The following USF2 variants were observed in gnomAD, a reference collection of about 807,000 sequenced individuals.
USF2 encodes the protein upstream stimulatory factor 2.
Under a neutral mutation model 46.9 loss-of-function variants are expected in USF2, and 16 were observed. That is an observed-to-expected ratio of 0.34 (90% CI 0.23 to 0.52). The LOEUF (loss-of-function observed/expected upper bound fraction) is 0.52, where lower values mean the gene tolerates loss of function less well. Among genes scored for constraint, USF2 ranks in the 20% least tolerant of loss-of-function variants. USF2 has a pLI of 0.96. For missense variants in USF2, 411 were observed against 474.0 expected, an observed-to-expected ratio of 0.87 and a Z score of 1.23; for synonymous variants, 239 against 194.1, an observed-to-expected ratio of 1.23 and a Z score of -1.92.
Position 35,269,475 on chromosome 19 carries a change from G to A in USF2, c.92G>A (p.Gly31Asp), listed in dbSNP as rs1457900753. The A allele has an allele frequency of 6.4e-7, 1 of 1,551,036 alleles. No homozygotes were observed. Among genetic ancestry groups the A allele is most frequent in the Non-Finnish European group, 8.6e-7 (1 of 1,156,368 alleles). ...SHDKGPEAEE[G>D]VELQEGGDGP... ...GACAAGGGACCCGAGGCGGAGGAGGGCGTCGAGCTGCAGGAAGGTGAGTGC... is the reference window on the plus strand; with the variant it reads ...GACAAGGGACCCGAGGCGGAGGAGGACGTCGAGCTGCAGGAAGGTGAGTGC... The change falls in exon 2 of 10, where the codon GGC becomes GAC. Residue 31 changes from glycine (G) to aspartate (D), a missense_variant. By Grantham distance (94) the Gly-to-Asp change is moderately conservative. Transcript: ENST00000222305.
chr19:35,279,543 A>C lies in USF2; in HGVS notation c.*287A>C. The C allele has an allele frequency of 2.6e-6, 1 of 387,678 alleles. No homozygotes were observed. The highest frequency in any genetic ancestry group is 4.6e-6 in the Non-Finnish European group (1 of 217,510). 24.0% of individuals were successfully genotyped at this position (387,678 alleles called of 1,614,324 possible). ...GTGGTCTCACCTGGAGGCAAGAGGG[A>C]GGGGACAGAGGCCCTGCCACGTCCC... On this transcript the variant is annotated 3_prime_UTR_variant, in exon 10 of 10. Coordinates refer to ENST00000222305, the MANE Select transcript of USF2 (RefSeq NM_003367.4).
At chr19:35,278,255 C>T in intron 7 of USF2, 1 of 165,582 alleles carries the variant, frequency 6.0e-6, no homozygotes, top group South Asian at 1.5e-4. Context: ...GCCGCAGGAG[C>T]CAAAAAGGGG....
chr19:35,276,537 CT>C (rs1390436197), intron 7 of USF2, among the ~76,000 whole-genome samples: 1 of 152,184 alleles, frequency 6.6e-6, no homozygotes, highest in Non-Finnish European at 1.5e-5. Context: ...GCCTGGGACT[CT>C]GGAGGAGGAG....
intron 6 of USF2, 75 bp downstream of exon 6, chr19:35,270,880 A>G: frequency 6.3e-7 from 1 of 1,575,938 alleles, no homozygotes; most frequent in Non-Finnish European, 8.7e-7. Context: ...GAAGCTGGGC[A>G]GTTAGCATGA....
At chr19:35,273,966 C>T (rs1476456071) in intron 7 of USF2, among the ~76,000 whole-genome samples, 1 of 152,164 alleles carries the variant, frequency 6.6e-6, no homozygotes, top group Non-Finnish European at 1.5e-5. Context: ...AGGTGTTCCT[C>T]TTTTTTCTTT....
chr19:35,272,068 G>T (rs1305370988), intron 7 of USF2, among the ~76,000 whole-genome samples: 2 of 152,200 alleles, frequency 1.3e-5, no homozygotes, highest in Non-Finnish European at 2.9e-5. Context: ...AGTCCTAAAG[G>T]TGGTGATGGG....
chr19:35,269,967 C>T lies in USF2; in HGVS notation c.393C>T (p.Ala131=), dbSNP rs1018786788. 28 of 1,341,836 alleles carry T rather than the reference C, an allele frequency of 2.1e-5. No homozygotes were observed. Among genetic ancestry groups the T allele is most frequent in the Non-Finnish European group, 2.5e-5 (26 of 1,053,676 alleles). 83.1% of individuals were successfully genotyped at this position (1,341,836 alleles called of 1,614,324 possible). A position where few individuals can be genotyped will look rare whatever the true frequency, so the allele number is the denominator to read the frequency against. ...GAAQRPGPAA[A]SVPPGPAAPF... ...CCCAGCGCCCGGGCCCCGCCGCTGCCTCTGTGCCCCCAGGTCCTGCAGCGC... is the reference window on the plus strand; with the variant it reads ...CCCAGCGCCCGGGCCCCGCCGCTGCTTCTGTGCCCCCAGGTCCTGCAGCGC... The change falls in exon 4 of 10, where the codon GCC becomes GCT. Residue 131 remains alanine, a synonymous_variant. Coordinates refer to ENST00000222305, the MANE Select transcript of USF2 (RefSeq NM_003367.4).
intron 7 of USF2, among the ~76,000 whole-genome samples, chr19:35,271,419 C>T (rs1485217289): frequency 6.6e-6 from 1 of 152,240 alleles, no homozygotes; most frequent in Non-Finnish European, 1.5e-5. Flanking sequence ...GGACTTCACA[C>T]TCCCATACGG....
chr19:35,270,618 T>A (rs2066138533), intron 5 of USF2, 21 bp downstream of exon 5: 1 of 1,611,962 alleles, frequency 6.2e-7, no homozygotes, highest in Non-Finnish European at 8.5e-7. Context: ...GAAGTCAGAT[T>A]GGCAGGTGGG....
At chr19:35,273,489 C>T (rs75443735) in intron 7 of USF2, among the ~76,000 whole-genome samples, 1 of 152,222 alleles carries the variant, frequency 6.6e-6, no homozygotes, top group Non-Finnish European at 1.5e-5. Context: ...GCCGGGGAAT[C>T]TGTGTTTTCC....
intron 2 of USF2, 38 bp downstream of exon 2, chr19:35,269,530 TG>T: frequency 6.5e-7 from 1 of 1,550,374 alleles, no homozygotes. Flanking sequence ...CGGGGAGGGC[TG>T]GGGGCGCTCG....
intron 7 of USF2, among the ~76,000 whole-genome samples, chr19:35,274,005 A>G (rs1045153611): frequency 1.3e-5 from 2 of 152,188 alleles, no homozygotes; most frequent in African/African-American, 4.8e-5. Flanking sequence ...ACTCACAAAA[A>G]GTTGAGGACT....
intron 8 of USF2, 75 bp from the exon 9 acceptor site, chr19:35,278,871 G>T (rs756913835): frequency 6.2e-7 from 1 of 1,603,214 alleles, no homozygotes; most frequent in Non-Finnish European, 8.5e-7. Flanking sequence ...CAGCCATGGG[G>T]CTCGGGAGTC....
Position 35,270,740 on chromosome 19 carries a change from G to A in USF2, c.603G>A (p.Thr201=), listed in dbSNP as rs140570986. Residue 201 remains threonine (T), a synonymous_variant, in exon 6 of 10, where the codon ACG becomes ACA. Coordinates refer to ENST00000222305, the MANE Select transcript of USF2 (RefSeq NM_003367.4). ...QAGGQFYVMM[T]PQDVLQTGTQ... ...CAGGCCAGTTCTACGTCATGATGAC[G>A]CCCCAGGATGTGCTTCAGACAGGAA... The A allele has an allele frequency of 3.7e-6, 6 of 1,613,908 alleles. No individual in the cohort carries two copies. Among genetic ancestry groups the A allele is most frequent in the East Asian group, 2.2e-5 (1 of 44,890 alleles).
At position 35,269,137 on chromosome 19, in the gene USF2, C is replaced by T. The variant is rs1483144356; in HGVS notation, c.36C>T (p.Ala12=). The change falls in exon 1 of 10, where the codon GCC becomes GCT. Residue 12 remains alanine, a synonymous_variant. Transcript: ENST00000222305. ...DMLDPGLDPA[A]SATAAAAASH... ...TGGACCCGGGTCTGGATCCCGCTGCCTCGGCCACCGCTGCTGCCGCCGCCA... is the reference window on the plus strand; with the variant it reads ...TGGACCCGGGTCTGGATCCCGCTGCTTCGGCCACCGCTGCTGCCGCCGCCA... The T allele has an allele frequency of 3.1e-6, 3 of 974,720 alleles. No individual in the cohort carries two copies. The highest frequency in any genetic ancestry group is 3.4e-5 in the South Asian group (1 of 29,652). The allele number at this position is 974,720 out of a possible 1,614,324, so 60.4% of individuals were successfully genotyped here.
At chr19:35,271,014 A>G (rs2066146579) in intron 6 of USF2, 69 bp from the exon 7 acceptor site, 4 of 1,585,076 alleles carry the variant, frequency 2.5e-6, no homozygotes, top group Non-Finnish European at 2.6e-6. Context: ...CAAATCTAAT[A>G]CTTAGCAGAT....
chr19:35,274,315 G>A (rs2066201777), intron 7 of USF2, among the ~76,000 whole-genome samples: 1 of 152,192 alleles, frequency 6.6e-6, no homozygotes, highest in Non-Finnish European at 1.5e-5. Context: ...TTTCAACTCT[G>A]CCCTCTTCTT....
intron 7 of USF2, chr19:35,277,639 C>G (rs1213930704): frequency 6.6e-6 from 1 of 152,298 alleles, no homozygotes; most frequent in African/African-American, 2.4e-5. Context: ...CCTGGCCTTC[C>G]TGCCACATGT....
chr19:35,271,069 T>C lies in USF2; in HGVS notation c.669-14T>C, dbSNP rs774010710. On this transcript the variant is annotated splice_polypyrimidine_tract_variant and intron_variant, in intron 6 of 9. Transcript: ENST00000222305. ...CGATAATACATGCCCCCTTTTTTTT[T>C]CCTCCTCTTGTAGAAAAATTGATGG... 7.4e-6 allele frequency: 12 copies of C among 1,613,796 alleles called. No individual in the cohort carries two copies. The highest frequency in any genetic ancestry group is 1.0e-5 in the Non-Finnish European group (12 of 1,179,908).
Sources: gnomAD v4.1 joint callset for allele counts (sites outside exome capture counted in the v4.1 genomes callset) on GRCh38, gnomAD v4.1.1 for gene constraint, MANE v1.5 for transcripts, NCBI Gene and HGNC (gene_info 2026-07-23, HGNC 2026-07-21) for gene names.